Variants in PDZRN3 observed in about 807,000 individuals in gnomAD.
PDZRN3 encodes PDZ domain containing ring finger 3.
Under a neutral mutation model 85.7 loss-of-function variants are expected in PDZRN3, and 38 were observed. The ratio of observed to expected loss-of-function variants is 0.44; its 90% CI spans 0.34 to 0.58. The LOEUF is 0.58. PDZRN3 is among the 20% of genes least tolerant of loss of function. The pLI, the probability that PDZRN3 is intolerant of heterozygous loss-of-function variation, is 0.01. For missense variants in PDZRN3, 1,629 were observed against 1,506.4 expected (o/e 1.08, Z -1.35); for synonymous variants, 759 against 638.0 (o/e 1.19, Z -2.86).
chr3:73,534,116 G>GT (rs1231162687), intron 3 of PDZRN3, among the ~76,000 whole-genome samples: 24 of 152,218 alleles, frequency 1.6e-4, no homozygotes, highest in Non-Finnish European at 2.8e-4. Context: ...TTAATAATAG[G>GT]TTTTTTTGAA....
chr3:73,513,120 A>G (rs1168611574), intron 3 of PDZRN3, among the ~76,000 whole-genome samples: 1 of 152,148 alleles, frequency 6.6e-6, no homozygotes, highest in Non-Finnish European at 1.5e-5. Flanking sequence ...GGGCACTCTG[A>G]ATCTAGCCCA....
intron 3 of PDZRN3, among the ~76,000 whole-genome samples, chr3:73,426,748 T>C (rs1702323474): frequency 2.0e-5 from 3 of 152,234 alleles, no homozygotes; most frequent in African/African-American, 4.8e-5. Context: ...GTGAAACAAA[T>C]TGCTGGGCCC....
At chr3:73,438,714 G>C (rs974453859) in intron 3 of PDZRN3, among the ~76,000 whole-genome samples, 2 of 152,126 alleles carry the variant, frequency 1.3e-5, no homozygotes, top group Non-Finnish European at 2.9e-5. Context: ...CTTCTTCCCG[G>C]GTGGAACCCC....
intron 7 of PDZRN3, among the ~76,000 whole-genome samples, chr3:73,389,608 G>C (rs1459007694): frequency 6.6e-6 from 1 of 152,094 alleles, no homozygotes; most frequent in African/African-American, 2.4e-5. Context: ...CATCTAGTTT[G>C]TCCCAGTCCT....
intron 8 of PDZRN3, among the ~76,000 whole-genome samples, chr3:73,385,999 G>A (rs769982316): frequency 6.6e-6 from 1 of 151,904 alleles, no homozygotes; most frequent in Non-Finnish European, 1.5e-5. Context: ...ATCTGGGGAA[G>A]TCTTTAATAT....
intron 3 of PDZRN3, among the ~76,000 whole-genome samples, chr3:73,591,235 G>T (rs1396446557): frequency 6.6e-6 from 1 of 152,126 alleles, no homozygotes; most frequent in South Asian, 2.1e-4. Flanking sequence ...TATTACTCAT[G>T]AGTCATTATA....
chr3:73,410,633 T>A (rs112183733), intron 3 of PDZRN3, among the ~76,000 whole-genome samples: 1,524 of 152,384 alleles, frequency 0.01, 20 homozygotes, highest in African/African-American at 0.035. Flanking sequence ...AACTGATGTG[T>A]CTCACATTTT....
chr3:73,622,766 T>C (rs769476793), intron 1 of PDZRN3, among the ~76,000 whole-genome samples: 3 of 152,236 alleles, frequency 2.0e-5, no homozygotes, highest in Non-Finnish European at 4.4e-5. Flanking sequence ...GGACAAGTTA[T>C]ATAACTTCTC....
intron 3 of PDZRN3, among the ~76,000 whole-genome samples, chr3:73,537,780 C>T (rs540873404): frequency 2.4e-4 from 33 of 137,864 alleles, no homozygotes; most frequent in East Asian, 1.5e-3. Context: ...CCACCACACC[C>T]GGCTAATTTT....
intron 1 of PDZRN3, among the ~76,000 whole-genome samples, chr3:73,615,124 A>G (rs1193047738): frequency 6.6e-6 from 1 of 152,194 alleles, no homozygotes; most frequent in Non-Finnish European, 1.5e-5. Flanking sequence ...GAGTCATAAT[A>G]TCTGCACAAT....
chr3:73,443,731 C>T (rs567981393), intron 3 of PDZRN3, among the ~76,000 whole-genome samples: 6 of 151,696 alleles, frequency 4.0e-5, no homozygotes, highest in African/African-American at 9.7e-5. Flanking sequence ...TGGCCTCAAG[C>T]GATGTTCCTG....
chr3:73,601,030 G>A (rs1702508574), intron 3 of PDZRN3, among the ~76,000 whole-genome samples: 1 of 152,142 alleles, frequency 6.6e-6, no homozygotes, highest in Non-Finnish European at 1.5e-5. Context: ...TATCATTTTA[G>A]CATGTAAGTT....
chr3:73,487,742 G>C (rs572079154), intron 3 of PDZRN3, among the ~76,000 whole-genome samples: 30 of 152,138 alleles, frequency 2.0e-4, no homozygotes, highest in Non-Finnish European at 3.2e-4. Context: ...AATAATTCCT[G>C]TGTCACTATT....
At chr3:73,537,606 C>T (rs1704817786) in intron 3 of PDZRN3, among the ~76,000 whole-genome samples, 1 of 151,618 alleles carries the variant, frequency 6.6e-6, no homozygotes, top group Non-Finnish European at 1.5e-5. Flanking sequence ...CTGTTATCTT[C>T]TTTTTTTTAA....
At chr3:73,386,860 C>CTT (rs1701403806) in intron 8 of PDZRN3, among the ~76,000 whole-genome samples, 2 of 69,778 alleles carry the variant, frequency 2.9e-5, no homozygotes, top group African/African-American at 1.4e-4. Flanking sequence ...GTCTGTCTCT[C>CTT]GGCTTTTTCA....
chr3:73,542,981 G>A (rs1701320840), intron 3 of PDZRN3, among the ~76,000 whole-genome samples: 1 of 152,148 alleles, frequency 6.6e-6, no homozygotes, highest in Non-Finnish European at 1.5e-5. Context: ...TACTCCAAGT[G>A]TCTGGTACTT....
At chr3:73,519,566 A>G (rs1704316160) in intron 3 of PDZRN3, among the ~76,000 whole-genome samples, 1 of 152,168 alleles carries the variant, frequency 6.6e-6, no homozygotes, top group Non-Finnish European at 1.5e-5. Flanking sequence ...TGGGATCATT[A>G]ATTGTTTCTA....
chr3:73,424,367 C>CAAAAA lies in PDZRN3; in HGVS notation c.919-19977_919-19973dup, dbSNP rs66466551. ...TAACATGGTGAAACCCCGTCTCTAC[C>CAAAAA]AAAAAAAAAAAAAAAAAAAAAAAAA... On this transcript the variant is annotated intron_variant, in intron 3 of 9. Coordinates refer to ENST00000263666, the MANE Select transcript of PDZRN3 (RefSeq NM_015009.3). 2.0e-3 allele frequency among the ~76,000 whole-genome samples: 110 copies of CAAAAA among 54,860 alleles called. 6 individuals are homozygous for CAAAAA. Among genetic ancestry groups the CAAAAA allele is most frequent in the Non-Finnish European group, 2.4e-3 (77 of 31,432 alleles). The allele number at this position is 54,860 out of a possible 152,430, so 36.0% of individuals were successfully genotyped here. A position where few individuals can be genotyped will look rare whatever the true frequency, so the allele number is the denominator to read the frequency against.
chr3:73,485,214 AC>A (rs566059467), intron 3 of PDZRN3, among the ~76,000 whole-genome samples: 10 of 152,040 alleles, frequency 6.6e-5, no homozygotes, highest in Admixed American at 3.9e-4. Context: ...TACATGATAG[AC>A]ACACATAGCC....
Sources: allele counts gnomAD v4.1 joint callset (sites outside exome capture counted in the v4.1 genomes callset), GRCh38; gene constraint gnomAD v4.1.1; transcripts MANE v1.5; gene names NCBI Gene and HGNC (gene_info 2026-07-23, HGNC 2026-07-21).